EXOC6B: variants seen among roughly 807,000 people sequenced by gnomAD.
The protein encoded by EXOC6B is exocyst complex component 6B.
EXOC6B carries 54 observed loss-of-function variants against 113.5 expected under a neutral mutation model. The ratio of observed to expected loss-of-function variants is 0.48; its 90% confidence interval spans 0.38 to 0.60. The LOEUF (loss-of-function observed/expected upper bound fraction) is 0.60, where lower values mean the gene tolerates loss of function less well. EXOC6B is among the 20% of genes least tolerant of loss of function. The probability of loss-of-function intolerance (pLI) is 0.00; values close to 1 mark genes in which losing one functional copy is unlikely to be tolerated. For missense variants in EXOC6B, 797 were observed against 977.5 expected, an observed-to-expected ratio of 0.82 and a Z score of 2.46; for synonymous variants, 357 against 339.0, an observed-to-expected ratio of 1.05 and a Z score of -0.58.
At chr2:72,477,588 T>C (rs533167057) in intron 17 of EXOC6B, among the ~76,000 whole-genome samples, 1 of 152,344 alleles carries the variant, frequency 6.6e-6, no homozygotes, top group South Asian at 2.1e-4. Flanking sequence ...AAATGATAAC[T>C]CAGATCATTA....
intron 6 of EXOC6B, among the ~76,000 whole-genome samples, chr2:72,591,740 A>T (rs1042492968): frequency 6.6e-6 from 1 of 152,170 alleles, no homozygotes; most frequent in Non-Finnish European, 1.5e-5. Flanking sequence ...TATTTAGTCC[A>T]GTAAAAATAA....
intron 19 of EXOC6B, among the ~76,000 whole-genome samples, chr2:72,361,295 T>C (rs537904637): frequency 6.6e-6 from 1 of 152,332 alleles, no homozygotes; most frequent in East Asian, 1.9e-4. Flanking sequence ...CTTGATTTAA[T>C]GTAGTAACTA....
Position 72,825,824 on chromosome 2 carries a change from G to T in EXOC6B, c.87C>A (p.Asp29Glu), listed in dbSNP as rs375267138. 3.7e-6 allele frequency: 6 copies of T among 1,613,280 alleles called. No homozygotes were observed. The African/African-American group carries it at 8.0e-5, about 22-fold the overall frequency. The part of the protein sequence containing the change: ...ERILREIEST[D>E]TACIGPTLRS... ...TGAGCGTGGGCCCGATGCAGGCCGT[G>T]TCAGTGCTCTCGATCTCTCGCAGGA... The change falls in exon 1 of 22, where the codon GAC becomes GAA. Residue 29 changes from aspartate to glutamate, a missense_variant. By Grantham distance (45) the Asp-to-Glu change is conservative. Coordinates refer to ENST00000272427, the MANE Select transcript of EXOC6B (RefSeq NM_015189.3). The surrounding 1 kb of genome is among the most constrained non-coding windows in gnomAD (Gnocchi z 4.4).
chr2:72,672,603 T>C (rs930500866), intron 6 of EXOC6B, among the ~76,000 whole-genome samples: 4 of 150,020 alleles, frequency 2.7e-5, no homozygotes, highest in Non-Finnish European at 4.4e-5. Flanking sequence ...GTGGTATATA[T>C]ACACAATGGA....
rs2104162953 is a variant in EXOC6B at position 72,176,291 on chromosome 2, A to C, written c.*3044T>G. On this transcript the variant is annotated 3_prime_UTR_variant, in exon 22 of 22. Transcript: ENST00000272427. ...AAAAAAACAAAAAGGAAGAAGAAGA[A>C]GAAGAAGAAGAGGCAATTGCAGTCA... The C allele has an allele frequency of 6.6e-6, 1 of 151,806 alleles. No individual in the cohort carries two copies. The highest frequency in any genetic ancestry group is 2.1e-4 in the South Asian group (1 of 4,814). The allele number at this position is 151,806 out of a possible 1,614,324, so 9.4% of individuals were successfully genotyped here.
intron 17 of EXOC6B, among the ~76,000 whole-genome samples, chr2:72,468,386 C>A (rs1698189372): frequency 6.6e-6 from 1 of 152,128 alleles, no homozygotes; most frequent in Non-Finnish European, 1.5e-5. Context: ...TTTCTCAACA[C>A]CACTTATTTT....
chr2:72,581,036 C>G (rs909147558), intron 6 of EXOC6B, among the ~76,000 whole-genome samples: 2 of 152,144 alleles, frequency 1.3e-5, no homozygotes, highest in Non-Finnish European at 2.9e-5. Context: ...ATATCAACTC[C>G]GCAGGCTAAG....
intron 1 of EXOC6B, among the ~76,000 whole-genome samples, chr2:72,760,004 C>T (rs1010460430): frequency 6.6e-6 from 1 of 152,188 alleles, no homozygotes; most frequent in African/African-American, 2.4e-5. Context: ...ACAGTTGATT[C>T]ACACCATGTG....
rs1697162077 is a variant in EXOC6B at position 72,455,374 on chromosome 2, AC to A, written c.1980+9785del. Among the ~76,000 whole-genome samples the A allele has an allele frequency of 2.6e-5, 4 of 152,294 alleles. No individual in the cohort carries two copies. The South Asian group carries it at 8.3e-4, about 32-fold the overall frequency. On this transcript the variant is annotated intron_variant, in intron 18 of 21. Transcript: ENST00000272427. ...TATGGGGATGTTACCACAATTTACC[AC>A]CCGTTCCGGGAATTGTTCTGGTCAC...
chr2:72,324,387 C>T (rs951125873), intron 20 of EXOC6B, among the ~76,000 whole-genome samples: 1 of 152,100 alleles, frequency 6.6e-6, no homozygotes, highest in Non-Finnish European at 1.5e-5. Flanking sequence ...ACACAAGTAT[C>T]CTGTCATGTA....
intron 18 of EXOC6B, among the ~76,000 whole-genome samples, chr2:72,430,097 T>A (rs1695432207): frequency 1.3e-5 from 2 of 152,198 alleles, no homozygotes; most frequent in Non-Finnish European, 2.9e-5. Context: ...ATAATTGCTT[T>A]AAAAGCCACA....
rs2103823772 is a variant in EXOC6B, at chr2:72,575,561, T to C, written c.777A>G (p.Glu259=). The C allele has an allele frequency of 1.2e-6, 2 of 1,611,992 alleles. No individual in the cohort carries two copies. Among genetic ancestry groups the C allele is most frequent in the South Asian group, 1.1e-5 (1 of 90,522 alleles). The change falls in exon 7 of 22, where the codon GAA becomes GAG. Residue 259 remains glutamate, a synonymous_variant. Coordinates refer to ENST00000272427, the MANE Select transcript of EXOC6B (RefSeq NM_015189.3). ...CCTGTTCAGACTTCGGACTAGTACT[T>C]TCTATCTCTGTATCAAAGATTATAT... is the stretch of plus-strand genomic sequence containing the variant. ...DAYIIFDTEI[E]STSPKSEQDS... is the part of the protein sequence containing the mutation.
intron 20 of EXOC6B, among the ~76,000 whole-genome samples, chr2:72,187,486 A>G (rs1255722095): frequency 6.6e-6 from 1 of 152,062 alleles, no homozygotes; most frequent in Non-Finnish European, 1.5e-5. Flanking sequence ...CAGCTCAGAG[A>G]TGACCCACAG....
chr2:72,792,314 T>C (rs1434983919), intron 1 of EXOC6B, among the ~76,000 whole-genome samples: 1 of 152,190 alleles, frequency 6.6e-6, no homozygotes, highest in Non-Finnish European at 1.5e-5. Flanking sequence ...AATAATGACA[T>C]CTAAGCCAAA....
intron 1 of EXOC6B, among the ~76,000 whole-genome samples, chr2:72,818,085 C>A (rs901386735): frequency 1.3e-5 from 2 of 152,138 alleles, no homozygotes. Context: ...GATTCTCCTG[C>A]CTTAGCCTCC....
chr2:72,671,449 C>T (rs1675787729), intron 6 of EXOC6B, among the ~76,000 whole-genome samples: 1 of 152,106 alleles, frequency 6.6e-6, no homozygotes, highest in African/African-American at 2.4e-5. Context: ...AATCCCAGCA[C>T]TCTGGGAAGC....
chr2:72,671,893 AAAAG>A (rs1412795821), intron 6 of EXOC6B, among the ~76,000 whole-genome samples: 1 of 151,796 alleles, frequency 6.6e-6, no homozygotes, highest in Admixed American at 6.6e-5. Context: ...GGAAGGAAGG[AAAAG>A]AAAGAGAAAG....
At chr2:72,711,681 T>C (rs368349043) in intron 6 of EXOC6B, among the ~76,000 whole-genome samples, 2 of 152,184 alleles carry the variant, frequency 1.3e-5, no homozygotes, top group Non-Finnish European at 2.9e-5. Context: ...GCCAGTATCA[T>C]TACTCTTGCA....
intron 18 of EXOC6B, among the ~76,000 whole-genome samples, chr2:72,402,881 A>G (rs147627073): frequency 7.0e-4 from 107 of 152,308 alleles, no homozygotes; most frequent in African/African-American, 2.5e-3. Context: ...ATGATCATAC[A>G]GTCTCTGTTC....
Sources: allele counts gnomAD v4.1 joint callset (sites outside exome capture counted in the v4.1 genomes callset), GRCh38; gene constraint gnomAD v4.1.1; non-coding constraint Gnocchi (gnomAD v3.1); transcripts MANE v1.5; gene names NCBI Gene and HGNC (gene_info 2026-07-23, HGNC 2026-07-21).